APMAP: variants seen among roughly 807,000 people sequenced by gnomAD.
The protein encoded by APMAP is adipocyte plasma membrane associated protein.
Under a neutral mutation model 43.6 loss-of-function variants are expected in APMAP, and 33 were observed. The ratio of observed to expected loss-of-function variants is 0.76; its 90% CI spans 0.57 to 1.01. The LOEUF is 1.01. Ranked by LOEUF, APMAP falls within the 50% of genes least tolerant of loss-of-function variation. APMAP has a pLI of 0.00. For missense variants in APMAP, 498 were observed against 540.7 expected (o/e 0.92, Z 0.78); for synonymous variants, 224 against 216.7 (o/e 1.03, Z -0.30).
intron 8 of APMAP, among the ~76,000 whole-genome samples, chr20:24,967,314 A>G (rs957600814): frequency 5.3e-5 from 8 of 152,146 alleles, no homozygotes; most frequent in African/African-American, 1.9e-4. Flanking sequence ...AAACAAAAAA[A>G]TCTTCAATGA....
intron 1 of APMAP, among the ~76,000 whole-genome samples, chr20:24,987,335 G>T (rs890548957): frequency 6.6e-6 from 1 of 152,126 alleles, no homozygotes; most frequent in Non-Finnish European, 1.5e-5. Context: ...CATTGTCCAG[G>T]CTGGTCTTGA....
intron 2 of APMAP, 40 bp downstream of exon 2, chr20:24,983,863 T>C (rs775882623): frequency 7.2e-7 from 1 of 1,390,500 alleles, no homozygotes; most frequent in Admixed American, 2.0e-5. Context: ...CTATTACATT[T>C]TGTCAAGCAA....
At chr20:24,971,696 A>G (rs1278217687) in intron 4 of APMAP, 120 bp from the exon 5 acceptor site, 4 of 854,664 alleles carry the variant, frequency 4.7e-6, no homozygotes, top group Non-Finnish European at 5.8e-6. Flanking sequence ...ACAAGACAAG[A>G]CCATGGCATT....
chr20:24,973,589 C>T (rs2088024268), intron 4 of APMAP, 56 bp downstream of exon 4: 1 of 1,539,452 alleles, frequency 6.5e-7, no homozygotes, highest in Admixed American at 1.7e-5. Flanking sequence ...ACACAACGAT[C>T]CAACATCTTT....
chr20:24,980,239 C>T (rs772627859), intron 2 of APMAP, among the ~76,000 whole-genome samples: 1 of 152,228 alleles, frequency 6.6e-6, no homozygotes, highest in Non-Finnish European at 1.5e-5. Flanking sequence ...CGATTATCCC[C>T]TGTCCCCTGC....
intron 2 of APMAP, among the ~76,000 whole-genome samples, chr20:24,980,754 C>T (rs1259443108): frequency 2.6e-5 from 4 of 151,872 alleles, no homozygotes; most frequent in Non-Finnish European, 5.9e-5. Flanking sequence ...AAAAGCAGAC[C>T]TACCAGCTTC....
intron 1 of APMAP, among the ~76,000 whole-genome samples, chr20:24,987,108 C>A (rs1330632272): frequency 2.0e-5 from 3 of 152,152 alleles, no homozygotes; most frequent in Non-Finnish European, 2.9e-5. Context: ...CAACTTGCTG[C>A]CCACTCATCT....
intron 1 of APMAP, among the ~76,000 whole-genome samples, chr20:24,988,302 C>A (rs987777948): frequency 6.6e-6 from 1 of 152,222 alleles, no homozygotes; most frequent in African/African-American, 2.4e-5. Flanking sequence ...TACTTTACCA[C>A]ACTGCAGCTT....
intron 2 of APMAP, among the ~76,000 whole-genome samples, chr20:24,979,756 T>C (rs1216759564): frequency 1.3e-5 from 2 of 152,124 alleles, no homozygotes; most frequent in Non-Finnish European, 2.9e-5. Flanking sequence ...AGCCAAGTCC[T>C]GGCAGCAGCC....
intron 8 of APMAP, 21 bp from the exon 9 acceptor site, chr20:24,964,043 G>C: frequency 6.2e-7 from 1 of 1,612,162 alleles, no homozygotes; most frequent in Non-Finnish European, 8.5e-7. Context: ...GCACAGTGCA[G>C]GGAAAGTTCA....
At chr20:24,969,778 G>A (rs2087983132) in intron 6 of APMAP, 118 bp from the exon 7 acceptor site, 7 of 1,360,090 alleles carry the variant, frequency 5.1e-6, no homozygotes, top group South Asian at 1.4e-5. Context: ...CAGGCCCTGG[G>A]TGCCCTGCTC....
intron 1 of APMAP, among the ~76,000 whole-genome samples, chr20:24,990,890 G>C (rs1160479201): frequency 6.6e-6 from 1 of 151,856 alleles, no homozygotes; most frequent in Non-Finnish European, 1.5e-5. Flanking sequence ...AAACAAACAA[G>C]AAGGACAAAC....
At chr20:24,991,232 T>C (rs1288399397) in intron 1 of APMAP, among the ~76,000 whole-genome samples, 1 of 152,214 alleles carries the variant, frequency 6.6e-6, no homozygotes, top group African/African-American at 2.4e-5. Flanking sequence ...AAATGCCTTG[T>C]TTTCAAGATT....
chr20:24,973,379 G>A (rs980732072), intron 4 of APMAP, among the ~76,000 whole-genome samples: 1 of 152,222 alleles, frequency 6.6e-6, no homozygotes, highest in African/African-American at 2.4e-5. Context: ...ATAAAATGGT[G>A]AGGGGCGAGG....
chr20:24,991,913 G>T (rs6138454), intron 1 of APMAP, among the ~76,000 whole-genome samples: 1 of 152,170 alleles, frequency 6.6e-6, no homozygotes, highest in African/African-American at 2.4e-5. Flanking sequence ...ATATTTCTTA[G>T]GTGTCAACAA....
intron 3 of APMAP, among the ~76,000 whole-genome samples, chr20:24,975,211 T>C (rs745833422): frequency 1.3e-5 from 2 of 152,166 alleles, no homozygotes; most frequent in African/African-American, 2.4e-5. Flanking sequence ...ACAAAAGGTA[T>C]ACAGATTGAG....
rs114991329 is a variant in APMAP, at chr20:24,973,465, G to A, written c.421+180C>T. Among the ~76,000 whole-genome samples the A allele has an allele frequency of 5.9e-3, 895 of 152,336 alleles. 7 individuals carry two copies. Among genetic ancestry groups the A allele is most frequent in the African/African-American group, 0.018 (749 of 41,572 alleles). On this transcript the variant is annotated intron_variant, in intron 4 of 8. Transcript: ENST00000217456. ...GGACTGTAGGTGACCATCAGGCACCGTGAGGCCCAAGGACCACCCGGCAAA... is the reference window on the plus strand; with the variant it reads ...GGACTGTAGGTGACCATCAGGCACCATGAGGCCCAAGGACCACCCGGCAAA...
At chr20:24,980,238 C>T in intron 2 of APMAP, among the ~76,000 whole-genome samples, 1 of 152,330 alleles carries the variant, frequency 6.6e-6, no homozygotes, top group Admixed American at 6.5e-5. Flanking sequence ...CCGATTATCC[C>T]CTGTCCCCTG....
At chr20:24,979,994 C>A (rs1199320332) in intron 2 of APMAP, among the ~76,000 whole-genome samples, 1 of 152,232 alleles carries the variant, frequency 6.6e-6, no homozygotes, top group East Asian at 1.9e-4. Context: ...CGAACCCAGG[C>A]CCCTGCCCTA....
Sources: gnomAD v4.1 joint callset for allele counts (sites outside exome capture counted in the v4.1 genomes callset) on GRCh38, gnomAD v4.1.1 for gene constraint, MANE v1.5 for transcripts, NCBI Gene and HGNC (gene_info 2026-07-23, HGNC 2026-07-21) for gene names.